SMURF1: variants seen among roughly 807,000 people sequenced by gnomAD.
SMURF1 encodes SMAD specific E3 ubiquitin protein ligase 1.
Under a neutral mutation model 98.0 loss-of-function variants are expected in SMURF1, and 44 were observed. That is an observed-to-expected ratio of 0.45 (90% CI 0.35 to 0.58). The LOEUF is 0.58. Ranked by LOEUF, SMURF1 falls within the 20% of genes least tolerant of loss-of-function variation. The pLI, the probability that SMURF1 is intolerant of heterozygous loss-of-function variation, is 0.00. For missense variants in SMURF1, 687 were observed against 938.4 expected (o/e 0.73, Z 3.50); for synonymous variants, 396 against 374.9 (o/e 1.06, Z -0.65).
intron 1 of SMURF1, among the ~76,000 whole-genome samples, chr7:99,073,137 G>A (rs914069596): frequency 1.3e-5 from 2 of 152,136 alleles, no homozygotes; most frequent in African/African-American, 4.8e-5. Flanking sequence ...CAGCAGTCTG[G>A]GAGGCCGAGG....
Position 99,035,319 on chromosome 7 carries a change from G to A in SMURF1, c.2011+196C>T, listed in dbSNP as rs115120337. ...AGTGGCTCCACAGTCTTTGCTCAGC[G>A]GGGCCCCACACCTGCTCACACACGG... On this transcript the variant is annotated intron_variant, in intron 16 of 17. Transcript: ENST00000361368. 8.7e-4 allele frequency: 601 copies of A among 688,470 alleles called. 2 individuals are homozygous for A. In the African/African-American group the frequency reaches 9.2e-3, roughly 11 times the overall value. 42.6% of individuals were successfully genotyped at this position (688,470 alleles called of 1,614,324 possible).
chr7:99,076,985 G>A (rs184783884), intron 1 of SMURF1, among the ~76,000 whole-genome samples: 1 of 150,726 alleles, frequency 6.6e-6, no homozygotes, highest in East Asian at 1.9e-4. Flanking sequence ...AAAAAATAAT[G>A]TCTATAATAA....
At chr7:99,089,670 A>T (rs1024326703) in intron 1 of SMURF1, among the ~76,000 whole-genome samples, 2 of 149,490 alleles carry the variant, frequency 1.3e-5, no homozygotes, top group African/African-American at 2.4e-5. Flanking sequence ...AACAAAACAA[A>T]ACAATACAAC....
rs1795772354 is a variant in SMURF1, at chr7:99,052,251, C to T, written c.675G>A (p.Gln225=). The T allele has an allele frequency of 6.2e-7, 1 of 1,607,880 alleles. No homozygotes were observed. The highest frequency in any genetic ancestry group is 1.7e-5 in the Admixed American group (1 of 59,590). ...GGGACTGGTGGCCGTGTGGTCGGTT[C>T]TGGGGCGTCTGTAGTGAACCTCGCA... ...PDVRGSLQTP[Q]NRPHGHQSPE... Residue 225 remains glutamine, a synonymous_variant, in exon 7 of 18, where the codon CAG becomes CAA. Transcript: ENST00000361368.
intron 1 of SMURF1, among the ~76,000 whole-genome samples, chr7:99,132,876 G>T (rs1417134343): frequency 1.3e-5 from 2 of 152,126 alleles, no homozygotes; most frequent in South Asian, 4.1e-4. Context: ...TCTGAGTAGG[G>T]AGCTGCTGGA....
At position 99,140,062 on chromosome 7, in the gene SMURF1, C is replaced by A. The variant is rs10241277; in HGVS notation, c.55+3664G>T. ...AAGTAGGTAGCTAAATTGATATATC[C>A]TGTGAGAAGGAGGATCAAAGAGTAT... On this transcript the variant is annotated intron_variant, in intron 1 of 17. Transcript: ENST00000361368. 6.2e-3 allele frequency among the ~76,000 whole-genome samples: 941 copies of A among 152,216 alleles called. 12 individuals are homozygous for A. Among genetic ancestry groups the A allele is most frequent in the African/African-American group, 0.021 (864 of 41,526 alleles).
In SMURF1 at chr7:99,095,013, C is replaced by T. The variant is rs145467610; in HGVS notation, c.56-33176G>A. Among the ~76,000 whole-genome samples, 90 of 152,294 alleles carry T rather than the reference C, an allele frequency of 5.9e-4. 1 individual carries two copies. In the East Asian group the frequency reaches 8.7e-3, roughly 15 times the overall value. Reference sequence around the variant, plus strand: ...TCTGTGTGCACTGTCTCAACATCCACCGCCCATGTACCAATTCAAGCATTG... The same window carrying T: ...TCTGTGTGCACTGTCTCAACATCCATCGCCCATGTACCAATTCAAGCATTG... On this transcript the variant is annotated intron_variant, in intron 1 of 17. Coordinates refer to ENST00000361368, the MANE Select transcript of SMURF1 (RefSeq NM_181349.3).
chr7:99,033,661 C>A lies in SMURF1; in HGVS notation c.2012-540G>T, dbSNP rs567057210. The stretch of plus-strand genomic sequence containing the variant: ...GGGGGCAGAGCAAGGACTGCTAAGG[C>A]CCCCCCTAAAGTGCACCCTGACCAT... On this transcript the variant is annotated intron_variant, in intron 16 of 17. Transcript: ENST00000361368. Among the ~76,000 whole-genome samples, 5 of 152,248 alleles carry A rather than the reference C, an allele frequency of 3.3e-5. No homozygotes were observed. The East Asian group carries it at 9.7e-4, about 29-fold the overall frequency.
At chr7:99,076,266 A>G (rs1796454902) in intron 1 of SMURF1, among the ~76,000 whole-genome samples, 1 of 152,210 alleles carries the variant, frequency 6.6e-6, no homozygotes, top group Non-Finnish European at 1.5e-5. Context: ...GTATGGAAAG[A>G]GAGGAAAAAA....
rs1347025854 is a variant in SMURF1 at position 99,028,292 on chromosome 7, T to C, written c.*2292A>G. 1 of 152,336 alleles carries C rather than the reference T, an allele frequency of 6.6e-6. No homozygotes were observed. Among genetic ancestry groups the C allele is most frequent in the Non-Finnish European group, 1.5e-5 (1 of 68,078 alleles). 9.4% of individuals were successfully genotyped at this position (152,336 alleles called of 1,614,324 possible). ...AAACCATCGTAGAAACTGAAGGTTC[T>C]AGGAGTGCAGTGCCACCGACAGGGA... is the stretch of plus-strand genomic sequence containing the variant. On this transcript the variant is annotated 3_prime_UTR_variant, in exon 18 of 18. Transcript: ENST00000361368.
rs2150666120 is a variant in SMURF1 at position 99,143,971 on chromosome 7, T to G, written c.-191A>C. 1 of 425,376 alleles carries G rather than the reference T, an allele frequency of 2.4e-6. No individual in the cohort carries two copies. Among genetic ancestry groups the G allele is most frequent in the Admixed American group, 4.8e-5 (1 of 20,890 alleles). The allele number at this position is 425,376 out of a possible 1,614,324, so 26.4% of individuals were successfully genotyped here. A position where few individuals can be genotyped will look rare whatever the true frequency, so the allele number is the denominator to read the frequency against. On this transcript the variant is annotated 5_prime_UTR_variant, in exon 1 of 18. Coordinates refer to ENST00000361368, the MANE Select transcript of SMURF1 (RefSeq NM_181349.3). ...GTCGAGCCGGGAGATCGGCGCTTGC[T>G]GCGGCGCTCTGACCCTCGCTGCTTC...
chr7:99,060,378 C>CAAAAAAAAAAA (rs11340949), intron 3 of SMURF1, among the ~76,000 whole-genome samples: 8 of 92,462 alleles, frequency 8.7e-5, no homozygotes, highest in East Asian at 3.4e-4. Context: ...GACTCCGTCT[C>CAAAAAAAAAAA]AAAAAAAAAA....
chr7:99,116,360 C>A (rs1797453818), intron 1 of SMURF1, among the ~76,000 whole-genome samples: 1 of 152,032 alleles, frequency 6.6e-6, no homozygotes, highest in Non-Finnish European at 1.5e-5. Flanking sequence ...CCACTAATAA[C>A]AGGAACAAGA....
intron 3 of SMURF1, among the ~76,000 whole-genome samples, chr7:99,057,799 T>C (rs1359312180): frequency 6.6e-6 from 1 of 152,120 alleles, no homozygotes; most frequent in Admixed American, 6.5e-5. Context: ...GGTTTCGCCA[T>C]GTGGCCAGGT....
At chr7:99,105,196 T>C (rs1271189630) in intron 1 of SMURF1, among the ~76,000 whole-genome samples, 1 of 152,178 alleles carries the variant, frequency 6.6e-6, no homozygotes, top group Non-Finnish European at 1.5e-5. Context: ...AAGCAGCCAG[T>C]GAAACTAGAC....
intron 10 of SMURF1, among the ~76,000 whole-genome samples, chr7:99,046,525 C>T (rs1395149744): frequency 2.6e-5 from 4 of 151,912 alleles, no homozygotes; most frequent in Non-Finnish European, 5.9e-5. Flanking sequence ...GTCAGAAGTT[C>T]AAGACCAGCC....
At chr7:99,092,667 C>T (rs913134956) in intron 1 of SMURF1, among the ~76,000 whole-genome samples, 4 of 152,178 alleles carry the variant, frequency 2.6e-5, no homozygotes, top group African/African-American at 9.7e-5. Context: ...TGGTGAAGTG[C>T]TATCCAGTGT....
At chr7:99,039,483 T>C (rs1224332327) in intron 13 of SMURF1, among the ~76,000 whole-genome samples, 2 of 152,064 alleles carry the variant, frequency 1.3e-5, no homozygotes, top group African/African-American at 2.4e-5. Flanking sequence ...GTAGCTGGGA[T>C]TACAGGCATG....
intron 1 of SMURF1, among the ~76,000 whole-genome samples, chr7:99,124,602 G>A (rs1308434605): frequency 6.6e-6 from 1 of 151,802 alleles, no homozygotes; most frequent in East Asian, 1.9e-4. Context: ...CCACAAAAAG[G>A]TTTTAAGCAG....
Sources: gnomAD v4.1 joint callset for allele counts (sites outside exome capture counted in the v4.1 genomes callset) on GRCh38, gnomAD v4.1.1 for gene constraint, MANE v1.5 for transcripts, NCBI Gene and HGNC (gene_info 2026-07-23, HGNC 2026-07-21) for gene names.